The following FARS2 variants were observed in gnomAD, a reference collection of about 807,000 sequenced individuals.
FARS2 encodes phenylalanine--tRNA ligase, mitochondrial.
A neutral mutation model predicts 46.4 loss-of-function variants in FARS2; 40 were observed. The ratio of observed to expected loss-of-function variants is 0.86; its 90% CI spans 0.67 to 1.12. FARS2 has a LOEUF of 1.12. Among genes scored for constraint, FARS2 ranks in the 50% most tolerant of loss-of-function variants. FARS2 has a pLI of 0.00. For missense variants in FARS2, 513 were observed against 567.9 expected (o/e 0.90, Z 0.98); for synonymous variants, 234 against 214.9 (o/e 1.09, Z -0.78).
rs1023517718 is a variant in FARS2 at position 5,707,694 on chromosome 6, T to G, written c.1218-63597T>G. Among the ~76,000 whole-genome samples, 48 of 152,294 alleles carry G rather than the reference T, an allele frequency of 3.2e-4. 1 individual carries two copies. Among genetic ancestry groups the G allele is most frequent in the African/African-American group, 1.1e-3 (47 of 41,550 alleles). On this transcript the variant is annotated intron_variant, in intron 6 of 6. Coordinates refer to ENST00000274680, the MANE Select transcript of FARS2 (RefSeq NM_006567.5). The stretch of plus-strand genomic sequence containing the variant: ...GGGCAAATCTGAGCACACATGCCAG[T>G]CTACTTTGAAAATCCTGAAGCCCTA...
At chr6:5,535,631 A>G (rs928336534) in intron 4 of FARS2, among the ~76,000 whole-genome samples, 2 of 152,204 alleles carry the variant, frequency 1.3e-5, no homozygotes. Context: ...AAAGTTTTCA[A>G]CTTTCACCAT....
intron 2 of FARS2, among the ~76,000 whole-genome samples, chr6:5,382,109 C>T (rs772392754): frequency 1.4e-4 from 22 of 152,134 alleles, no homozygotes; most frequent in Non-Finnish European, 2.2e-4. Flanking sequence ...CTTTAGATAG[C>T]GTGTGTGTAT....
intron 4 of FARS2, among the ~76,000 whole-genome samples, chr6:5,449,662 G>C (rs1186713004): frequency 6.6e-6 from 1 of 152,060 alleles, no homozygotes; most frequent in African/African-American, 2.4e-5. Flanking sequence ...TTAAATGCTT[G>C]GGACAAGAAA....
At chr6:5,273,230 T>C (rs1009278756) in intron 1 of FARS2, among the ~76,000 whole-genome samples, 6 of 152,270 alleles carry the variant, frequency 3.9e-5, no homozygotes, top group Non-Finnish European at 8.8e-5. Context: ...TTTTAGTTTT[T>C]TGAGGAACCT....
chr6:5,346,915 T>TG (rs1161658733), intron 1 of FARS2, among the ~76,000 whole-genome samples: 1 of 151,868 alleles, frequency 6.6e-6, no homozygotes, highest in Admixed American at 6.6e-5. Context: ...CATTAGGTTT[T>TG]TTTTTTTTTT....
chr6:5,535,029 T>C (rs1243005061), intron 4 of FARS2, among the ~76,000 whole-genome samples: 2 of 152,220 alleles, frequency 1.3e-5, no homozygotes, highest in Non-Finnish European at 2.9e-5. Context: ...CTCAACACTT[T>C]TTATGATTAT....
At chr6:5,387,302 C>T (rs922025129) in intron 2 of FARS2, among the ~76,000 whole-genome samples, 2 of 152,194 alleles carry the variant, frequency 1.3e-5, no homozygotes, top group Non-Finnish European at 2.9e-5. Flanking sequence ...TTAGTAACAC[C>T]TGCCGCCTGA....
At chr6:5,288,801 G>A (rs1767307249) in intron 1 of FARS2, among the ~76,000 whole-genome samples, 1 of 152,192 alleles carries the variant, frequency 6.6e-6, no homozygotes, top group African/African-American at 2.4e-5. Context: ...TAGGTGAGAG[G>A]AAACAGCTAT....
intron 5 of FARS2, among the ~76,000 whole-genome samples, chr6:5,552,494 G>A (rs572908504): frequency 6.6e-6 from 1 of 152,158 alleles, no homozygotes; most frequent in Admixed American, 6.5e-5. Context: ...CTTTCTCTGT[G>A]CGGCCTCCAC....
At chr6:5,547,106 C>T (rs1771078071) in intron 5 of FARS2, among the ~76,000 whole-genome samples, 1 of 151,982 alleles carries the variant, frequency 6.6e-6, no homozygotes, top group African/African-American at 2.4e-5. Context: ...CATACACTGC[C>T]ATGCCTGGCT....
At chr6:5,382,403 A>T (rs1759850289) in intron 2 of FARS2, among the ~76,000 whole-genome samples, 1 of 152,228 alleles carries the variant, frequency 6.6e-6, no homozygotes, top group African/African-American at 2.4e-5. Flanking sequence ...TGGTGGTAGG[A>T]CTATGTAGAA....
intron 4 of FARS2, among the ~76,000 whole-genome samples, chr6:5,515,469 C>A (rs1768728840): frequency 6.6e-6 from 1 of 152,142 alleles, no homozygotes; most frequent in Non-Finnish European, 1.5e-5. Flanking sequence ...CCCTCTGTCA[C>A]CCAGGCTGGA....
At chr6:5,382,640 C>T (rs553452365) in intron 2 of FARS2, among the ~76,000 whole-genome samples, 3 of 152,298 alleles carry the variant, frequency 2.0e-5, no homozygotes, top group African/African-American at 4.8e-5. Context: ...TGAAGATCCA[C>T]TGATAGTTTA....
chr6:5,642,705 G>C (rs10484313), intron 6 of FARS2, among the ~76,000 whole-genome samples: 1 of 152,130 alleles, frequency 6.6e-6, no homozygotes, highest in African/African-American at 2.4e-5. Flanking sequence ...TCCAGTATTC[G>C]ATAAGAGAAT....
intron 5 of FARS2, 146 bp downstream of exon 5, chr6:5,545,486 G>A (rs188388899): frequency 2.9e-5 from 18 of 620,676 alleles, no homozygotes; most frequent in Middle Eastern, 4.7e-4. Context: ...TACATGTGCA[G>A]AACGTGCAGG....
intron 5 of FARS2, among the ~76,000 whole-genome samples, chr6:5,593,574 T>C (rs1386179517): frequency 6.6e-6 from 1 of 152,196 alleles, no homozygotes; most frequent in African/African-American, 2.4e-5. Flanking sequence ...CCTGTGTGGT[T>C]TGTCACATTC....
At chr6:5,296,330 A>G (rs564790057) in intron 1 of FARS2, among the ~76,000 whole-genome samples, 107 of 151,672 alleles carry the variant, frequency 7.1e-4, no homozygotes, top group Non-Finnish European at 7.1e-4. Flanking sequence ...TTTAGTAGAG[A>G]TGGGGTTTCA....
chr6:5,750,267 C>T (rs1454539805), intron 6 of FARS2, among the ~76,000 whole-genome samples: 4 of 151,872 alleles, frequency 2.6e-5, no homozygotes, highest in East Asian at 1.9e-4. Flanking sequence ...AATGGAAGGT[C>T]GGGGGTGGGG....
chr6:5,479,220 C>T (rs542974638), intron 4 of FARS2, among the ~76,000 whole-genome samples: 1 of 152,156 alleles, frequency 6.6e-6, no homozygotes, highest in Admixed American at 6.5e-5. Context: ...TTTAGGGAAA[C>T]CCTCCTTGGG....
Sources: gnomAD v4.1 joint callset for allele counts (sites outside exome capture counted in the v4.1 genomes callset) on GRCh38, gnomAD v4.1.1 for gene constraint, MANE v1.5 for transcripts, NCBI Gene and HGNC (gene_info 2026-07-23, HGNC 2026-07-21) for gene names.